SCHIP1: variants seen among roughly 807,000 people sequenced by gnomAD.
SCHIP1 encodes the protein schwannomin interacting protein 1, also known as schwannomin-interacting protein 1.
SCHIP1 carries 8 observed loss-of-function variants against 29.7 expected under a neutral mutation model. The observed-to-expected ratio is 0.27, with a 90% confidence interval of 0.16 to 0.49. SCHIP1 has a LOEUF of 0.49. SCHIP1 is among the 20% of genes least tolerant of loss of function. SCHIP1 has a pLI of 0.99. For missense variants in SCHIP1, 193 were observed against 294.6 expected (o/e 0.66, Z 2.52); for synonymous variants, 76 against 94.9 (o/e 0.80, Z 1.16).
At chr3:159,598,533 G>A in the SCHIP1 span, among the ~76,000 whole-genome samples, 1 of 152,136 alleles carries the variant, frequency 6.6e-6, no homozygotes, top group East Asian at 1.9e-4. Context: ...TTGACTCCAT[G>A]TCTCACATCC....
the SCHIP1 span, among the ~76,000 whole-genome samples, chr3:159,716,003 A>G: frequency 5.9e-5 from 9 of 152,198 alleles, no homozygotes; most frequent in Non-Finnish European, 1.3e-4. Context: ...CCAGAGAGAA[A>G]GGTCAGGTTA....
the SCHIP1 span, among the ~76,000 whole-genome samples, chr3:159,825,332 A>C: frequency 2.0e-5 from 3 of 152,326 alleles, no homozygotes; most frequent in African/African-American, 4.8e-5. Context: ...AGAGTCATCC[A>C]TGTCCCTGAG....
chr3:159,499,236 T>C, the SCHIP1 span, among the ~76,000 whole-genome samples: 1 of 152,236 alleles, frequency 6.6e-6, no homozygotes, highest in African/African-American at 2.4e-5. Context: ...TGTAAGTTTT[T>C]GACAGAGATG....
the SCHIP1 span, among the ~76,000 whole-genome samples, chr3:159,705,956 C>T: frequency 2.6e-5 from 4 of 152,110 alleles, no homozygotes; most frequent in African/African-American, 9.7e-5. Flanking sequence ...CCACCCGCCT[C>T]GGCCTCCCAA....
the SCHIP1 span, among the ~76,000 whole-genome samples, chr3:159,493,748 G>A: frequency 1.8e-3 from 271 of 152,054 alleles, 1 homozygote; most frequent in Middle Eastern, 0.02. Flanking sequence ...TGCACCAAGC[G>A]GACCTAATAG....
chr3:159,441,788 GGA>G, the SCHIP1 span, among the ~76,000 whole-genome samples: 1 of 152,058 alleles, frequency 6.6e-6, no homozygotes, highest in South Asian at 2.1e-4. Flanking sequence ...GAGAGATCAA[GGA>G]GAGTTTTGCA....
At chr3:159,348,165 T>C in the SCHIP1 span, among the ~76,000 whole-genome samples, 1 of 152,138 alleles carries the variant, frequency 6.6e-6, no homozygotes, top group Admixed American at 6.5e-5. Context: ...TTAATCCTCT[T>C]GTAACTCAAA....
intron 1 of SCHIP1, among the ~76,000 whole-genome samples, chr3:159,844,198 T>C (rs948383208): frequency 6.6e-6 from 1 of 152,246 alleles, no homozygotes; most frequent in Non-Finnish European, 1.5e-5. Context: ...TTCCCAGTTG[T>C]ATCTTGCTAA....
the SCHIP1 span, among the ~76,000 whole-genome samples, chr3:159,606,994 A>T: frequency 6.6e-6 from 1 of 152,214 alleles, no homozygotes; most frequent in Non-Finnish European, 1.5e-5. Context: ...TAATTTCAGA[A>T]TTATAGTAGA....
At chr3:159,368,109 C>T in the SCHIP1 span, among the ~76,000 whole-genome samples, 1 of 152,176 alleles carries the variant, frequency 6.6e-6, no homozygotes, top group Non-Finnish European at 1.5e-5. Context: ...CCCAACTCCT[C>T]TGATCAAACC....
the SCHIP1 span, among the ~76,000 whole-genome samples, chr3:159,600,109 G>T: frequency 6.6e-6 from 1 of 152,164 alleles, no homozygotes; most frequent in South Asian, 2.1e-4. Context: ...CTTTATAGGT[G>T]ACTAGGCACC....
chr3:159,427,666 A>C, the SCHIP1 span, among the ~76,000 whole-genome samples: 3 of 150,994 alleles, frequency 2.0e-5, no homozygotes, highest in Non-Finnish European at 3.0e-5. Context: ...GCTACCAATG[A>C]CTTTCTTCAC....
chr3:159,804,930 T>C, the SCHIP1 span, among the ~76,000 whole-genome samples: 2 of 152,208 alleles, frequency 1.3e-5, no homozygotes. Context: ...CATCACTGTC[T>C]AGGGAGAGGG....
chr3:159,620,485 G>A, the SCHIP1 span, among the ~76,000 whole-genome samples: 1 of 152,202 alleles, frequency 6.6e-6, no homozygotes, highest in Non-Finnish European at 1.5e-5. Flanking sequence ...AATAGACAAT[G>A]GCATTCATCC....
At chr3:159,317,643 G>A in the SCHIP1 span, among the ~76,000 whole-genome samples, 18 of 152,196 alleles carry the variant, frequency 1.2e-4, no homozygotes, top group Admixed American at 1.2e-3. Context: ...TGTTCTATCT[G>A]TCTAGCTACT....
intron 1 of SCHIP1, among the ~76,000 whole-genome samples, chr3:159,850,303 C>G (rs1712415980): frequency 6.6e-6 from 1 of 152,072 alleles, no homozygotes; most frequent in South Asian, 2.1e-4. Flanking sequence ...CCTGTAATCC[C>G]AGCATTTTGG....
the SCHIP1 span, among the ~76,000 whole-genome samples, chr3:159,412,146 A>G: frequency 2.0e-5 from 3 of 152,216 alleles, no homozygotes; most frequent in African/African-American, 7.2e-5. Flanking sequence ...ACTGAGGCTT[A>G]GGAAGGATAA....
chr3:159,427,264 C>CTGTT, the SCHIP1 span, among the ~76,000 whole-genome samples: 1 of 150,994 alleles, frequency 6.6e-6, no homozygotes, highest in African/African-American at 2.4e-5. Context: ...CAAATTGTCC[C>CTGTT]TCTTTGCAGA....
the SCHIP1 span, among the ~76,000 whole-genome samples, chr3:159,462,881 A>G: frequency 6.6e-6 from 1 of 152,116 alleles, no homozygotes; most frequent in African/African-American, 2.4e-5. Context: ...AGTCAAGTCT[A>G]TGATAGGGGA....
Sources: allele counts gnomAD v4.1 joint callset (sites outside exome capture counted in the v4.1 genomes callset), GRCh38; gene constraint gnomAD v4.1.1; transcripts MANE v1.5; gene names NCBI Gene and HGNC (gene_info 2026-07-23, HGNC 2026-07-21).